Variants in SLC9C2 observed in about 807,000 individuals in gnomAD.
SLC9C2 encodes the protein sodium/hydrogen exchanger 11.
SLC9C2 carries 75 observed loss-of-function variants against 140.2 expected under a neutral mutation model. The ratio of observed to expected loss-of-function variants is 0.53; its 90% CI spans 0.44 to 0.65. SLC9C2 has a LOEUF of 0.65. SLC9C2 is among the 30% of genes least tolerant of loss of function. SLC9C2 has a pLI of 0.00. For missense variants in SLC9C2, 1,074 were observed against 1,331.8 expected, an observed-to-expected ratio of 0.81 and a Z score of 3.01; for synonymous variants, 375 against 420.9, an observed-to-expected ratio of 0.89 and a Z score of 1.34.
chr1:173,520,010 C>T (rs1024268822), intron 22 of SLC9C2, among the ~76,000 whole-genome samples: 1 of 151,984 alleles, frequency 6.6e-6, no homozygotes, highest in African/African-American at 2.4e-5. Flanking sequence ...CGTGGTGGTG[C>T]GTGCCTGTAA....
intron 4 of SLC9C2, among the ~76,000 whole-genome samples, chr1:173,589,670 G>A (rs1417045251): frequency 2.0e-5 from 3 of 152,036 alleles, no homozygotes; most frequent in Admixed American, 6.5e-5. Flanking sequence ...TATTTTTGCT[G>A]AATCACAAAG....
intron 15 of SLC9C2, among the ~76,000 whole-genome samples, chr1:173,535,392 G>A (rs181409113): frequency 1.3e-5 from 2 of 152,046 alleles, no homozygotes; most frequent in African/African-American, 2.4e-5. Flanking sequence ...GTGATATTTT[G>A]GAAAATTGGT....
At chr1:173,531,237 A>C (rs563575892) in intron 17 of SLC9C2, among the ~76,000 whole-genome samples, 2 of 152,294 alleles carry the variant, frequency 1.3e-5, no homozygotes, top group Admixed American at 1.3e-4. Context: ...AACCATGGTA[A>C]TATACTTCAC....
intron 9 of SLC9C2, among the ~76,000 whole-genome samples, chr1:173,562,988 G>A (rs1472043750): frequency 6.6e-6 from 1 of 151,574 alleles, no homozygotes; most frequent in Admixed American, 6.6e-5. Flanking sequence ...AAGAGTGTGG[G>A]AGAGCGGTGC....
chr1:173,504,436 A>C (rs1659488525), intron 26 of SLC9C2, among the ~76,000 whole-genome samples: 1 of 152,200 alleles, frequency 6.6e-6, no homozygotes, highest in African/African-American at 2.4e-5. Flanking sequence ...AGACTGAGAA[A>C]ACGTCACTCT....
chr1:173,530,053 A>G lies in SLC9C2; in HGVS notation c.2165T>C (p.Ile722Thr). The G allele has an allele frequency of 6.3e-7, 1 of 1,582,724 alleles. No homozygotes were observed. The highest frequency in any genetic ancestry group is 8.5e-7 in the Non-Finnish European group (1 of 1,171,700). Reference sequence around the variant, plus strand: ...AATTCTTATCAGTATTGGTACTATTATCTGGAATAATGAGAAGAAGAAAAA... The same window carrying G: ...AATTCTTATCAGTATTGGTACTATTGTCTGGAATAATGAGAAGAAGAAAAA... ...RIIRFLPLFK[I>T]IVPILIRIAD... Residue 722 changes from isoleucine (I) to threonine (T), a missense_variant and splice_region_variant, in exon 18 of 28, where the codon ATA becomes ACA. Transcript: ENST00000367714.
chr1:173,514,369 C>G (rs992281308), intron 23 of SLC9C2, among the ~76,000 whole-genome samples: 1 of 152,122 alleles, frequency 6.6e-6, no homozygotes, highest in Non-Finnish European at 1.5e-5. Context: ...TTTAGGATAG[C>G]TAGCTCTTCT....
intron 24 of SLC9C2, 87 bp downstream of exon 24, chr1:173,509,481 T>C (rs1659887634): frequency 7.9e-7 from 1 of 1,272,982 alleles, no homozygotes; most frequent in South Asian, 1.5e-5. Flanking sequence ...TTCCTTTCTA[T>C]TTTTGTCTCA....
At chr1:173,599,984 T>A (rs965464500) in intron 3 of SLC9C2, 133 bp downstream of exon 3, 5 of 537,912 alleles carry the variant, frequency 9.3e-6, no homozygotes, top group African/African-American at 3.9e-5. Flanking sequence ...CCAAATTTTT[T>A]AATACCAGAT....
intron 13 of SLC9C2, among the ~76,000 whole-genome samples, chr1:173,539,627 A>G (rs1662226973): frequency 6.6e-6 from 1 of 152,222 alleles, no homozygotes; most frequent in South Asian, 2.1e-4. Context: ...GCATCTATGC[A>G]TAGTGTTAAA....
At chr1:173,524,675 A>G in intron 20 of SLC9C2, 104 bp downstream of exon 20, 2 of 1,258,610 alleles carry the variant, frequency 1.6e-6, no homozygotes, top group South Asian at 2.9e-5. Context: ...TTATAGAGTT[A>G]ACACCTGTGG....
chr1:173,547,616 C>G (rs1313048486), intron 13 of SLC9C2, 73 bp downstream of exon 13: 1 of 1,148,240 alleles, frequency 8.7e-7, no homozygotes, highest in East Asian at 2.5e-5. Flanking sequence ...TTCAAGTCAT[C>G]TGAAAATCAT....
At chr1:173,518,231 C>T (rs565168802) in intron 22 of SLC9C2, among the ~76,000 whole-genome samples, 1 of 150,768 alleles carries the variant, frequency 6.6e-6, no homozygotes, top group East Asian at 2.0e-4. Context: ...CCACTGCACT[C>T]CAGCTGGGCG....
At chr1:173,561,273 G>T (rs1233740077) in intron 9 of SLC9C2, among the ~76,000 whole-genome samples, 1 of 152,152 alleles carries the variant, frequency 6.6e-6, no homozygotes, top group Non-Finnish European at 1.5e-5. Context: ...TATTCACACG[G>T]TCACTCCTTT....
At chr1:173,594,735 G>T (rs932193218) in intron 4 of SLC9C2, among the ~76,000 whole-genome samples, 3 of 152,168 alleles carry the variant, frequency 2.0e-5, no homozygotes, top group Non-Finnish European at 4.4e-5. Flanking sequence ...GGAAAGTAGA[G>T]ATATTTAGCT....
intron 8 of SLC9C2, 27 bp downstream of exon 8, chr1:173,576,634 C>T (rs777533944): frequency 4.8e-6 from 7 of 1,446,550 alleles, no homozygotes; most frequent in Non-Finnish European, 5.8e-6. Context: ...CTATGAGATC[C>T]ATCGAAGGGC....
In SLC9C2 at chr1:173,511,029, C is replaced by CTTTTTTTTTTTTTTTTTTTTTT. The variant is rs71111066; in HGVS notation, c.2908-1352_2908-1331dup. 1.0e-4 allele frequency among the ~76,000 whole-genome samples: 9 copies of CTTTTTTTTTTTTTTTTTTTTTT among 86,738 alleles called. 2 individuals are homozygous for CTTTTTTTTTTTTTTTTTTTTTT. Among genetic ancestry groups the CTTTTTTTTTTTTTTTTTTTTTT allele is most frequent in the African/African-American group, 4.9e-4 (9 of 18,298 alleles). The allele number at this position is 86,738 out of a possible 152,430, so 56.9% of individuals were successfully genotyped here. On this transcript the variant is annotated intron_variant, in intron 23 of 27. Transcript: ENST00000367714. ...CCTGGATTTTTTTTCCTTTCTTTTC[C>CTTTTTTTTTTTTTTTTTTTTTT]TTTTTTTTTTTTTTTTTTTTTTTTG... is the stretch of plus-strand genomic sequence containing the variant.
chr1:173,555,755 C>T (rs376826156), intron 10 of SLC9C2, among the ~76,000 whole-genome samples: 19 of 152,124 alleles, frequency 1.2e-4, no homozygotes, highest in East Asian at 1.9e-4. Flanking sequence ...ATGCCCAGAT[C>T]GGGCCCACAG....
chr1:173,574,759 C>G (rs1665061601), intron 8 of SLC9C2, among the ~76,000 whole-genome samples: 1 of 152,050 alleles, frequency 6.6e-6, no homozygotes, highest in Admixed American at 6.6e-5. Context: ...ATTCGCCCGT[C>G]TTGGCCTCCC....
Sources: allele counts gnomAD v4.1 joint callset (sites outside exome capture counted in the v4.1 genomes callset), GRCh38; gene constraint gnomAD v4.1.1; transcripts MANE v1.5; gene names NCBI Gene and HGNC (gene_info 2026-07-23, HGNC 2026-07-21).